The following TBCK variants were observed in gnomAD, a reference collection of about 807,000 sequenced individuals.
TBCK encodes the protein TBC domain-containing protein kinase-like protein.
Under a neutral mutation model 113.4 loss-of-function variants are expected in TBCK, and 99 were observed. The ratio of observed to expected loss-of-function variants is 0.87; its 90% confidence interval spans 0.74 to 1.03. TBCK has a LOEUF of 1.03. TBCK is among the 50% of genes least tolerant of loss of function. TBCK has a pLI of 0.00. For missense variants in TBCK, 1,045 were observed against 1,061.3 expected, an observed-to-expected ratio of 0.98 and a Z score of 0.21; for synonymous variants, 369 against 370.8, an observed-to-expected ratio of 1.00 and a Z score of 0.05.
chr4:106,237,070 T>C (rs555477399), intron 12 of TBCK, among the ~76,000 whole-genome samples: 1 of 152,108 alleles, frequency 6.6e-6, no homozygotes, highest in East Asian at 1.9e-4. Flanking sequence ...TCATGATATA[T>C]TTTCCAAACA....
chr4:106,229,238 G>T (rs1758582423), intron 19 of TBCK, among the ~76,000 whole-genome samples: 1 of 151,832 alleles, frequency 6.6e-6, no homozygotes. Flanking sequence ...TGTTCAGAAG[G>T]TTTTTAACTT....
At chr4:106,125,992 A>G (rs1337804092) in intron 23 of TBCK, among the ~76,000 whole-genome samples, 2 of 152,350 alleles carry the variant, frequency 1.3e-5, no homozygotes, top group Non-Finnish European at 2.9e-5. Flanking sequence ...TGTGCTCTAT[A>G]AATTTTTATC....
chr4:106,084,752 C>T (rs995277395), intron 25 of TBCK, among the ~76,000 whole-genome samples: 2 of 152,194 alleles, frequency 1.3e-5, no homozygotes, highest in East Asian at 3.8e-4. Context: ...TCAGGAGAAA[C>T]TCTACAAGCC....
chr4:106,176,518 C>T (rs962820048), intron 22 of TBCK, among the ~76,000 whole-genome samples: 9 of 151,996 alleles, frequency 5.9e-5, no homozygotes, highest in Non-Finnish European at 1.2e-4. Context: ...GATTTCATTG[C>T]CTTTTATCGC....
rs568587208 is a variant in TBCK, at chr4:106,196,027, A to T, written c.1861-1273T>A. Among the ~76,000 whole-genome samples, 4 of 152,222 alleles carry T rather than the reference A, an allele frequency of 2.6e-5. No homozygotes were observed. The South Asian group carries it at 6.2e-4, about 24-fold the overall frequency. On this transcript the variant is annotated intron_variant, in intron 20 of 25. Transcript: ENST00000394708. ...TAAATGTTCAAAATGTCTCAATAAA[A>T]GGTATTATGAAGCATGTGCTTTTTG...
intron 18 of TBCK, among the ~76,000 whole-genome samples, chr4:106,231,402 T>A (rs1758843035): frequency 6.6e-6 from 1 of 151,786 alleles, no homozygotes; most frequent in Non-Finnish European, 1.5e-5. Flanking sequence ...TGATAGGCTT[T>A]GGAGATGCAA....
chr4:106,255,225 T>C (rs1294182027), intron 5 of TBCK, among the ~76,000 whole-genome samples: 15 of 152,252 alleles, frequency 9.9e-5, no homozygotes, highest in Admixed American at 9.8e-4. Context: ...CGGGATTTTG[T>C]GGTGTCACTT....
chr4:106,217,027 GT>G (rs1273985917), intron 19 of TBCK, among the ~76,000 whole-genome samples: 1 of 152,138 alleles, frequency 6.6e-6, no homozygotes, highest in Admixed American at 6.5e-5. Flanking sequence ...CCATGATCAA[GT>G]GGGCTTCATC....
chr4:106,247,537 G>A (rs902172046), intron 9 of TBCK: 2 of 337,026 alleles, frequency 5.9e-6, no homozygotes, highest in African/African-American at 4.4e-5. Flanking sequence ...TTCCATAAAA[G>A]CTTCTGCATT....
chr4:106,145,839 C>G (rs1016724955), intron 23 of TBCK, among the ~76,000 whole-genome samples: 1 of 152,112 alleles, frequency 6.6e-6, no homozygotes, highest in Non-Finnish European at 1.5e-5. Context: ...ATCAAAACCA[C>G]AATGAGATAC....
chr4:106,202,126 A>T (rs934017369), intron 20 of TBCK, among the ~76,000 whole-genome samples: 1 of 152,106 alleles, frequency 6.6e-6, no homozygotes, highest in South Asian at 2.1e-4. Flanking sequence ...AAAGTATTTT[A>T]ACAAGCCAAA....
intron 19 of TBCK, among the ~76,000 whole-genome samples, chr4:106,223,428 A>G (rs991153597): frequency 3.9e-5 from 6 of 152,218 alleles, no homozygotes; most frequent in Admixed American, 6.5e-5. Context: ...TTTGCCTGAG[A>G]GAGTCCCAGT....
chr4:106,126,118 C>A (rs79660674), intron 23 of TBCK, among the ~76,000 whole-genome samples: 2,494 of 152,286 alleles, frequency 0.016, 30 homozygotes, highest in Middle Eastern at 0.09. Context: ...CTTAGAAAGC[C>A]ACAACCTGTG....
At chr4:106,138,246 T>C (rs1412480010) in intron 23 of TBCK, among the ~76,000 whole-genome samples, 1 of 141,442 alleles carries the variant, frequency 7.1e-6, no homozygotes, top group Non-Finnish European at 1.6e-5. Context: ...CGGTCATGTA[T>C]GTAATCCGTT....
chr4:106,167,632 T>G (rs1426240153), intron 23 of TBCK, among the ~76,000 whole-genome samples: 1 of 151,198 alleles, frequency 6.6e-6, no homozygotes, highest in Non-Finnish European at 1.5e-5. Flanking sequence ...TTTAACCAGC[T>G]AAGAAAAAAA....
At chr4:106,056,406 A>G (rs1039481785) in intron 25 of TBCK, among the ~76,000 whole-genome samples, 8 of 150,846 alleles carry the variant, frequency 5.3e-5, no homozygotes, top group African/African-American at 1.9e-4. Flanking sequence ...CACCCAGCCA[A>G]GTTCTTATAT....
At chr4:106,187,007 C>G (rs6822692) in intron 22 of TBCK, among the ~76,000 whole-genome samples, 1 of 151,966 alleles carries the variant, frequency 6.6e-6, no homozygotes, top group Non-Finnish European at 1.5e-5. Flanking sequence ...CCTTTCCTCA[C>G]TGCTTATTTT....
At chr4:106,129,900 G>A (rs995290438) in intron 23 of TBCK, among the ~76,000 whole-genome samples, 1 of 152,166 alleles carries the variant, frequency 6.6e-6, no homozygotes, top group Non-Finnish European at 1.5e-5. Flanking sequence ...TAGGAAGAGT[G>A]AGGTCACAGT....
intron 3 of TBCK, among the ~76,000 whole-genome samples, chr4:106,278,316 G>A (rs1003113610): frequency 9.2e-5 from 14 of 152,060 alleles, no homozygotes; most frequent in Non-Finnish European, 1.5e-4. Flanking sequence ...CTAGCATTTC[G>A]GGAGGCCGAG....
Sources: allele counts gnomAD v4.1 joint callset (sites outside exome capture counted in the v4.1 genomes callset), GRCh38; gene constraint gnomAD v4.1.1; transcripts MANE v1.5; gene names NCBI Gene and HGNC (gene_info 2026-07-23, HGNC 2026-07-21).